ZNF654: variants seen among roughly 807,000 people sequenced by gnomAD.
ZNF654 encodes the protein melanoma-associated antigen.
In ZNF654, 19 loss-of-function variants were observed where a neutral mutation model predicts 95.3. That is an observed-to-expected ratio of 0.20 (90% CI 0.14 to 0.29). The LOEUF is 0.29. Among genes scored for constraint, ZNF654 ranks in the 10% least tolerant of loss-of-function variants. The probability of loss-of-function intolerance (pLI) is 1.00; values close to 1 mark genes in which losing one functional copy is unlikely to be tolerated. For missense variants in ZNF654, 1,046 were observed against 1,341.0 expected (o/e 0.78, Z 3.44); for synonymous variants, 413 against 457.9 (o/e 0.90, Z 1.25).
intron 3 of ZNF654, among the ~76,000 whole-genome samples, chr3:88,121,494 C>G (rs576948546): frequency 7.9e-5 from 12 of 152,038 alleles, no homozygotes; most frequent in African/African-American, 2.9e-4. Flanking sequence ...ATAACTGTCC[C>G]CTTTATTTTA....
chr3:88,081,521 G>A (rs1708076261), intron 1 of ZNF654, among the ~76,000 whole-genome samples: 1 of 152,146 alleles, frequency 6.6e-6, no homozygotes, highest in South Asian at 2.1e-4. Flanking sequence ...GTAAGAAACA[G>A]CTGTCTCATT....
intron 4 of ZNF654, among the ~76,000 whole-genome samples, chr3:88,127,659 T>C (rs1706200672): frequency 1.3e-5 from 2 of 152,156 alleles, no homozygotes; most frequent in South Asian, 2.1e-4. Flanking sequence ...TTTTAAGGGA[T>C]AGATTTAGGC....
At chr3:88,099,382 G>A (rs1324160284) in intron 2 of ZNF654, among the ~76,000 whole-genome samples, 6 of 152,118 alleles carry the variant, frequency 3.9e-5, no homozygotes, top group South Asian at 2.1e-4. Context: ...AATCAATATT[G>A]TGAAAACGGC....
intron 7 of ZNF654, among the ~76,000 whole-genome samples, chr3:88,136,085 G>A (rs998166014): frequency 5.3e-5 from 8 of 152,058 alleles, no homozygotes; most frequent in South Asian, 2.1e-4. Context: ...CATTCTCAAA[G>A]TAAACTCCTT....
chr3:88,078,989 T>C (rs923518837), intron 1 of ZNF654, among the ~76,000 whole-genome samples: 3 of 152,086 alleles, frequency 2.0e-5, no homozygotes, highest in Non-Finnish European at 4.4e-5. Flanking sequence ...GAAAAGCTAA[T>C]GTATTGGCTA....
At position 88,106,720 on chromosome 3, in the gene ZNF654, A is replaced by G. The variant is rs1294719337; in HGVS notation, c.333-6395A>G. ...TTTTTAAGCTGTGTAGATTTTTAAA[A>G]TGTAATTAAAATATGTTAATGTTCC... On this transcript the variant is annotated intron_variant, in intron 2 of 8. Coordinates refer to ENST00000636215, the MANE Select transcript of ZNF654 (RefSeq NM_001350134.2). 2.0e-5 allele frequency among the ~76,000 whole-genome samples: 3 copies of G among 151,690 alleles called. No homozygotes were observed. In the East Asian group the frequency reaches 5.8e-4, roughly 29 times the overall value.
chr3:88,131,470 T>C lies in ZNF654; in HGVS notation c.893+1644T>C, dbSNP rs1345278628. On this transcript the variant is annotated intron_variant, in intron 6 of 8. Transcript: ENST00000636215. ...ACTATTTAAACAGGGTATCTTTAGT[T>C]CTTTCATTGTAATATACTCATAAAT... Among the ~76,000 whole-genome samples, 16 of 152,304 alleles carry C rather than the reference T, an allele frequency of 1.1e-4. No individual in the cohort carries two copies. In the South Asian group the frequency reaches 2.9e-3, roughly 28 times the overall value.
chr3:88,077,067 T>C (rs1707843524), intron 1 of ZNF654, among the ~76,000 whole-genome samples: 2 of 152,174 alleles, frequency 1.3e-5, no homozygotes, highest in Non-Finnish European at 2.9e-5. Context: ...TGGTATTTTT[T>C]GAGATAGAGT....
At chr3:88,093,861 G>A (rs1168158880) in intron 2 of ZNF654, among the ~76,000 whole-genome samples, 1 of 152,074 alleles carries the variant, frequency 6.6e-6, no homozygotes, top group Non-Finnish European at 1.5e-5. Context: ...GTTTTTTGCG[G>A]GGGCTGGGCC....
intron 6 of ZNF654, among the ~76,000 whole-genome samples, chr3:88,131,573 C>T (rs2107846042): frequency 6.6e-6 from 1 of 152,170 alleles, no homozygotes; most frequent in South Asian, 2.1e-4. Context: ...CTTGGTAACC[C>T]ATTTCTACTC....
At chr3:88,075,230 T>C (rs116439635) in intron 1 of ZNF654, among the ~76,000 whole-genome samples, 1,690 of 152,366 alleles carry the variant, frequency 0.011, 16 homozygotes, top group Non-Finnish European at 0.016. Flanking sequence ...CTAGCTGTTA[T>C]AAAGAGCATA....
chr3:88,104,195 G>A lies in ZNF654; in HGVS notation c.333-8920G>A, dbSNP rs141698979. Among the ~76,000 whole-genome samples the A allele has an allele frequency of 4.4e-3, 676 of 152,266 alleles. 7 individuals carry two copies. Among genetic ancestry groups the A allele is most frequent in the African/African-American group, 0.015 (642 of 41,548 alleles). Reference sequence around the variant, plus strand: ...AGTTCCATAAGCAGCACCAGATGCTGGACAGAAATTTGGATGTATCTAAGG... The same window carrying A: ...AGTTCCATAAGCAGCACCAGATGCTAGACAGAAATTTGGATGTATCTAAGG... On this transcript the variant is annotated intron_variant, in intron 2 of 8. Transcript: ENST00000636215.
In ZNF654 at chr3:88,086,271, T is replaced by C. The variant is rs1466564926; in HGVS notation, c.201T>C (p.Tyr67=). Residue 67 remains tyrosine, a synonymous_variant, in exon 2 of 9, where the codon TAT becomes TAC. Transcript: ENST00000636215. ...CRRFCQVVED[Y]AGRWQVPLPQ... Reference sequence around the variant, plus strand: ...TTCTCTGTCAGGTGGTTGAAGATTATGCTGGAAGATGGCAGGTCCCTTTGC... The same window carrying C: ...TTCTCTGTCAGGTGGTTGAAGATTACGCTGGAAGATGGCAGGTCCCTTTGC... The C allele has an allele frequency of 6.5e-7, 1 of 1,533,732 alleles. No individual in the cohort carries two copies. Among genetic ancestry groups the C allele is most frequent in the Non-Finnish European group, 8.7e-7 (1 of 1,146,654 alleles).
At chr3:88,085,663 G>C (rs919095821) in intron 1 of ZNF654, among the ~76,000 whole-genome samples, 2 of 152,100 alleles carry the variant, frequency 1.3e-5, no homozygotes, top group Non-Finnish European at 2.9e-5. Flanking sequence ...TTATGGTAAG[G>C]AAACTAATGC....
chr3:88,090,208 A>G (rs1708561050), intron 2 of ZNF654, among the ~76,000 whole-genome samples: 1 of 152,216 alleles, frequency 6.6e-6, no homozygotes, highest in Non-Finnish European at 1.5e-5. Flanking sequence ...AAGGCATTCC[A>G]GAAAAAGACA....
chr3:88,099,196 CAGAG>C (rs1265051740), intron 2 of ZNF654, among the ~76,000 whole-genome samples: 2 of 152,066 alleles, frequency 1.3e-5, no homozygotes, highest in Non-Finnish European at 2.9e-5. Context: ...CAATAACAGA[CAGAG>C]AGCCAAATCA....
At position 88,070,560 on chromosome 3, in the gene ZNF654, CCTGTTTTTTTT is replaced by C. The variant is rs1276140072; in HGVS notation, c.186+11056_186+11066del. Among the ~76,000 whole-genome samples, 25 of 111,708 alleles carry C rather than the reference CCTGTTTTTTTT, an allele frequency of 2.2e-4. No individual in the cohort carries two copies. In the Admixed American group the frequency reaches 2.7e-3, roughly 12 times the overall value. The allele number at this position is 111,708 out of a possible 152,430, so 73.3% of individuals were successfully genotyped here. ...CGCCACTGTGGCAAAGGCAACACTG[CCTGTTTTTTTT>C]TTTTTTTTTTTTTTTTTTGCAGATC... On this transcript the variant is annotated intron_variant, in intron 1 of 8. Transcript: ENST00000636215.
intron 1 of ZNF654, among the ~76,000 whole-genome samples, chr3:88,071,238 G>C (rs1353284689): frequency 6.6e-6 from 1 of 152,190 alleles, no homozygotes; most frequent in Non-Finnish European, 1.5e-5. Context: ...GGCCAGTAGT[G>C]GTGGCTCGCG....
intron 1 of ZNF654, among the ~76,000 whole-genome samples, chr3:88,071,276 A>G (rs1420405269): frequency 3.9e-5 from 6 of 151,970 alleles, no homozygotes; most frequent in South Asian, 4.2e-4. Flanking sequence ...TTGGGAGGCC[A>G]AGGTGGGCGG....
Sources: gnomAD v4.1 joint callset for allele counts (sites outside exome capture counted in the v4.1 genomes callset) on GRCh38, gnomAD v4.1.1 for gene constraint, MANE v1.5 for transcripts, NCBI Gene and HGNC (gene_info 2026-07-23, HGNC 2026-07-21) for gene names.